Variants in UNC5C observed in about 807,000 individuals in gnomAD.
UNC5C encodes netrin receptor UNC5C.
A neutral mutation model predicts 99.8 loss-of-function variants in UNC5C; 47 were observed. That is an observed-to-expected ratio of 0.47 (90% CI 0.37 to 0.60). UNC5C has a LOEUF of 0.60. Ranked by LOEUF, UNC5C falls within the 20% of genes least tolerant of loss-of-function variation. UNC5C has a pLI of 0.00. For synonymous variants in UNC5C, 487 were observed against 452.2 expected, an observed-to-expected ratio of 1.08 and a Z score of -0.98; for missense variants, 1,062 against 1,165.9, an observed-to-expected ratio of 0.91 and a Z score of 1.30.
rs1220111882 is a variant in UNC5C, at chr4:95,168,708, TTGA to T, written c.*523_*525del. The T allele has an allele frequency of 6.5e-6, 1 of 153,318 alleles. No homozygotes were observed. The highest frequency in any genetic ancestry group is 1.5e-5 in the Non-Finnish European group (1 of 68,496). The allele number at this position is 153,318 out of a possible 1,614,324, so 9.5% of individuals were successfully genotyped here. Reference sequence around the variant, plus strand: ...CTGATGGGAGGATTATCTGAGACACTTGATGCACACGATTTGTAGCAAAAGTCT... The same window carrying T: ...CTGATGGGAGGATTATCTGAGACACTTGCACACGATTTGTAGCAAAAGTCT... On this transcript the variant is annotated 3_prime_UTR_variant, in exon 16 of 16. Coordinates refer to ENST00000453304, the MANE Select transcript of UNC5C (RefSeq NM_003728.4).
chr4:95,370,022 A>G (rs941537532), intron 1 of UNC5C, among the ~76,000 whole-genome samples: 3 of 152,214 alleles, frequency 2.0e-5, no homozygotes, highest in African/African-American at 4.8e-5. Flanking sequence ...AAAACTAATG[A>G]GCATACATTT....
intron 1 of UNC5C, among the ~76,000 whole-genome samples, chr4:95,365,502 A>G (rs1579360764): frequency 1.3e-5 from 2 of 150,740 alleles, no homozygotes; most frequent in African/African-American, 4.8e-5. Context: ...ATATATCACT[A>G]AAAGTACTAC....
intron 1 of UNC5C, among the ~76,000 whole-genome samples, chr4:95,366,372 TC>T (rs1744570954): frequency 6.6e-6 from 1 of 152,220 alleles, no homozygotes; most frequent in African/African-American, 2.4e-5. Flanking sequence ...TTATATTTCA[TC>T]CAAGATTTAC....
At chr4:95,506,656 G>A (rs1721931048) in intron 1 of UNC5C, among the ~76,000 whole-genome samples, 1 of 151,794 alleles carries the variant, frequency 6.6e-6, no homozygotes, top group Non-Finnish European at 1.5e-5. Flanking sequence ...CCAGACAGAT[G>A]GTAAATCTGG....
intron 7 of UNC5C, among the ~76,000 whole-genome samples, chr4:95,240,591 A>T (rs566874194): frequency 7.9e-5 from 12 of 152,284 alleles, no homozygotes; most frequent in African/African-American, 2.9e-4. Flanking sequence ...AAATGTTTCC[A>T]TCAAACAAGA....
chr4:95,337,315 C>A (rs1422837061), intron 1 of UNC5C, among the ~76,000 whole-genome samples: 1 of 151,866 alleles, frequency 6.6e-6, no homozygotes, highest in African/African-American at 2.4e-5. Flanking sequence ...TATAATAAAT[C>A]TTTCAGCCAT....
At chr4:95,436,776 C>T (rs13116794) in intron 1 of UNC5C, among the ~76,000 whole-genome samples, 87,517 of 151,540 alleles carry the variant, frequency 0.58, 26,695 homozygotes, top group Non-Finnish European at 0.7. Context: ...AAGATGCCCT[C>T]ATGACATTAT....
At chr4:95,452,447 G>A (rs1440911377) in intron 1 of UNC5C, among the ~76,000 whole-genome samples, 2 of 152,144 alleles carry the variant, frequency 1.3e-5, no homozygotes, top group Admixed American at 6.5e-5. Flanking sequence ...GACCACGGAG[G>A]GTTTCACCAG....
chr4:95,233,825 C>T (rs1270340689), intron 7 of UNC5C, among the ~76,000 whole-genome samples: 6 of 152,038 alleles, frequency 3.9e-5, no homozygotes, highest in African/African-American at 1.2e-4. Context: ...ATCCCAACTA[C>T]TCAGGAGGCT....
intron 1 of UNC5C, among the ~76,000 whole-genome samples, chr4:95,443,705 A>G (rs941740265): frequency 6.6e-6 from 1 of 152,208 alleles, no homozygotes; most frequent in Non-Finnish European, 1.5e-5. Flanking sequence ...GTTCCTATAC[A>G]GAATTCTATC....
chr4:95,324,966 A>G (rs1030986108), intron 2 of UNC5C, among the ~76,000 whole-genome samples: 4 of 152,228 alleles, frequency 2.6e-5, no homozygotes, highest in Non-Finnish European at 5.9e-5. Flanking sequence ...AAACGGGAAT[A>G]TAATTACTAC....
intron 1 of UNC5C, among the ~76,000 whole-genome samples, chr4:95,443,399 A>G (rs1005942675): frequency 6.6e-6 from 1 of 152,208 alleles, no homozygotes; most frequent in Non-Finnish European, 1.5e-5. Context: ...CACAGTATGT[A>G]TTAGTATGTT....
chr4:95,544,442 C>T (rs1723007193), intron 1 of UNC5C, among the ~76,000 whole-genome samples: 1 of 152,178 alleles, frequency 6.6e-6, no homozygotes, highest in Non-Finnish European at 1.5e-5. Context: ...CCACCCACCA[C>T]TCACATTAGA....
At chr4:95,408,645 C>T (rs1422090060) in intron 1 of UNC5C, among the ~76,000 whole-genome samples, 1 of 152,050 alleles carries the variant, frequency 6.6e-6, no homozygotes, top group Non-Finnish European at 1.5e-5. Flanking sequence ...TCAAGTTTGG[C>T]CTTTCAATAC....
chr4:95,259,101 C>A (rs747992175), intron 4 of UNC5C, among the ~76,000 whole-genome samples: 4 of 152,062 alleles, frequency 2.6e-5, no homozygotes, highest in Non-Finnish European at 5.9e-5. Flanking sequence ...AAAGTACCAG[C>A]TAAGAGGGCT....
chr4:95,377,710 G>A (rs1192484377), intron 1 of UNC5C, among the ~76,000 whole-genome samples: 1 of 152,106 alleles, frequency 6.6e-6, no homozygotes, highest in Non-Finnish European at 1.5e-5. Flanking sequence ...GTGAGGAGTG[G>A]GAGTCTGGGT....
chr4:95,427,966 C>T (rs77871158), intron 1 of UNC5C, among the ~76,000 whole-genome samples: 3,142 of 152,144 alleles, frequency 0.021, 47 homozygotes, highest in South Asian at 0.06. Context: ...AATAGGCCTT[C>T]AGCTATTTGA....
At chr4:95,519,982 A>G (rs569224464) in intron 1 of UNC5C, among the ~76,000 whole-genome samples, 1 of 152,326 alleles carries the variant, frequency 6.6e-6, no homozygotes, top group Admixed American at 6.5e-5. Context: ...ATTATACAAA[A>G]CCATTCAATG....
intron 7 of UNC5C, among the ~76,000 whole-genome samples, chr4:95,231,674 C>T (rs1433173868): frequency 6.6e-6 from 1 of 152,118 alleles, no homozygotes; most frequent in Non-Finnish European, 1.5e-5. Flanking sequence ...CCTCAAGGGC[C>T]ATTCAAAATA....
Sources: gnomAD v4.1 joint callset for allele counts (sites outside exome capture counted in the v4.1 genomes callset) on GRCh38, gnomAD v4.1.1 for gene constraint, MANE v1.5 for transcripts, NCBI Gene and HGNC (gene_info 2026-07-23, HGNC 2026-07-21) for gene names.